Variants in NUP155 observed in about 807,000 individuals in gnomAD.
NUP155 encodes the protein nuclear pore complex protein Nup155.
A neutral mutation model predicts 180.4 loss-of-function variants in NUP155; 71 were observed. The ratio of observed to expected loss-of-function variants is 0.39; its 90% CI spans 0.33 to 0.48. The LOEUF is 0.48. Ranked by LOEUF, NUP155 falls within the 20% of genes least tolerant of loss-of-function variation. NUP155 has a pLI of 0.91. For synonymous variants in NUP155, 582 were observed against 559.5 expected, an observed-to-expected ratio of 1.04 and a Z score of -0.57; for missense variants, 1,553 against 1,648.9, an observed-to-expected ratio of 0.94 and a Z score of 1.01.
chr5:37,313,124 T>C (rs1015290132), intron 22 of NUP155, among the ~76,000 whole-genome samples: 2 of 151,978 alleles, frequency 1.3e-5, no homozygotes, highest in African/African-American at 2.4e-5. Flanking sequence ...CAGTGATAAA[T>C]ATCTTCCTTT....
intron 4 of NUP155, among the ~76,000 whole-genome samples, chr5:37,356,662 T>C (rs1485300233): frequency 6.6e-6 from 1 of 151,364 alleles, no homozygotes; most frequent in Non-Finnish European, 1.5e-5. Flanking sequence ...AAAGGTACAT[T>C]TAAAGGATAT....
At chr5:37,334,720 T>C (rs1745205409) in intron 12 of NUP155, among the ~76,000 whole-genome samples, 1 of 152,172 alleles carries the variant, frequency 6.6e-6, no homozygotes, top group South Asian at 2.1e-4. Flanking sequence ...CATAAATCTT[T>C]TTGTACTAGA....
intron 4 of NUP155, 61 bp downstream of exon 4, chr5:37,358,020 C>G: frequency 8.7e-7 from 1 of 1,149,964 alleles, no homozygotes; most frequent in South Asian, 1.2e-5. Flanking sequence ...TTGTTCAGGT[C>G]TATACCATTT....
intron 14 of NUP155, among the ~76,000 whole-genome samples, chr5:37,330,643 T>C (rs1744895833): frequency 6.6e-6 from 1 of 152,154 alleles, no homozygotes; most frequent in South Asian, 2.1e-4. Flanking sequence ...ACTCCCAATT[T>C]TAACCGTATC....
intron 14 of NUP155, 102 bp downstream of exon 14, chr5:37,331,583 T>C: frequency 1.7e-6 from 1 of 582,660 alleles, no homozygotes. Flanking sequence ...TCAAAATATA[T>C]ATATATATTT....
intron 26 of NUP155, 65 bp downstream of exon 26, chr5:37,304,992 T>TA: frequency 6.4e-7 from 1 of 1,572,262 alleles, no homozygotes; most frequent in Non-Finnish European, 8.7e-7. Context: ...ATGACTGTGC[T>TA]ACCATTACCA....
intron 10 of NUP155, 129 bp downstream of exon 10, chr5:37,342,420 T>G: frequency 3.1e-6 from 2 of 641,112 alleles, no homozygotes; most frequent in South Asian, 3.8e-5. Context: ...ATCCTTTATT[T>G]TACAAACTAT....
At chr5:37,302,739 G>C in intron 29 of NUP155, 40 bp downstream of exon 29, 1 of 1,607,910 alleles carries the variant, frequency 6.2e-7, no homozygotes, top group Non-Finnish European at 8.5e-7. Context: ...TATGTGGCTA[G>C]TACTCAATGT....
chr5:37,339,095 G>A (rs191856814), intron 11 of NUP155, among the ~76,000 whole-genome samples: 3 of 152,216 alleles, frequency 2.0e-5, no homozygotes, highest in Admixed American at 1.3e-4. Context: ...TGGGCCAGGT[G>A]CTGTGGCTTA....
At chr5:37,306,071 G>T (rs904745836) in intron 25 of NUP155, among the ~76,000 whole-genome samples, 1 of 152,040 alleles carries the variant, frequency 6.6e-6, no homozygotes, top group African/African-American at 2.4e-5. Context: ...CATTAAAAGG[G>T]TAAAGTCATT....
In NUP155 at chr5:37,351,364, A is replaced by G; in HGVS notation, c.557-8T>C. On this transcript the variant is annotated splice_region_variant and splice_polypyrimidine_tract_variant and intron_variant, in intron 5 of 34. Coordinates refer to ENST00000231498, the MANE Select transcript of NUP155 (RefSeq NM_153485.3). ...CATTAAGAACTCCAGAACCTATTTA[A>G]GAAAGAATACATAAATCAGTTTATT... is the stretch of plus-strand genomic sequence containing the variant. The G allele has an allele frequency of 6.2e-7, 1 of 1,601,172 alleles. No individual in the cohort carries two copies. Among genetic ancestry groups the G allele is most frequent in the Non-Finnish European group, 8.6e-7 (1 of 1,168,944 alleles).
intron 1 of NUP155, among the ~76,000 whole-genome samples, chr5:37,367,168 G>A (rs1457155681): frequency 1.3e-5 from 2 of 151,730 alleles, no homozygotes; most frequent in Non-Finnish European, 2.9e-5. Context: ...CCACAGCCTC[G>A]TGAGTAGCTA....
chr5:37,304,818 T>A lies in NUP155; in HGVS notation c.3083A>T (p.Gln1028Leu). Residue 1028 changes from glutamine (Q) to leucine (L), a missense_variant, in exon 27 of 35, where the codon CAG becomes CTG. Transcript: ENST00000231498. Reference protein sequence around the residue: ...HHFEQMLKLSQRSKDELFSIA... With the variant: ...HHFEQMLKLSLRSKDELFSIA... ...ACTAAAGAGCTCATCCTTGGATCGC[T>A]GTGACAATTTAAGCATTTGTTCAAA... 1 of 1,613,982 alleles carries A rather than the reference T, an allele frequency of 6.2e-7. No individual in the cohort carries two copies. Among genetic ancestry groups the A allele is most frequent in the Non-Finnish European group, 8.5e-7 (1 of 1,179,870 alleles).
intron 30 of NUP155, chr5:37,301,168 A>T: frequency 2.7e-6 from 1 of 373,840 alleles, no homozygotes; most frequent in Non-Finnish European, 5.1e-6. Context: ...CATGTTGCCC[A>T]GGCTGGAAAT....
intron 6 of NUP155, 52 bp from the exon 7 acceptor site, chr5:37,350,317 A>AAT (rs1417536717): frequency 3.5e-6 from 4 of 1,127,164 alleles, no homozygotes; most frequent in Non-Finnish European, 5.4e-6. Context: ...ACTCCCTTAC[A>AAT]ATAACTACTG....
chr5:37,323,958 A>G, intron 20 of NUP155, 34 bp downstream of exon 20: 1 of 1,404,152 alleles, frequency 7.1e-7, no homozygotes, highest in East Asian at 2.3e-5. Context: ...AACGAAAAGA[A>G]AAAGATGAAT....
At chr5:37,349,071 TA>T in intron 8 of NUP155, 100 bp downstream of exon 8, 3 of 342,786 alleles carry the variant, frequency 8.8e-6, no homozygotes. Flanking sequence ...TTTTTTTTTT[TA>T]GTTACACAGT....
rs775111788 is a variant in NUP155, at chr5:37,371,001, T to C, written c.-24A>G. 1.2e-6 allele frequency: 2 copies of C among 1,612,118 alleles called. No homozygotes were observed. Among genetic ancestry groups the C allele is most frequent in the South Asian group, 1.1e-5 (1 of 91,056 alleles). ...ATCTCGGAAATCGTAGACACCAGGG[T>C]CCAGAAAAAGTCAAAAACCAAGGAG... On this transcript the variant is annotated 5_prime_UTR_variant, in exon 1 of 35. Transcript: ENST00000231498.
chr5:37,341,337 T>G, intron 10 of NUP155, 95 bp from the exon 11 acceptor site: 1 of 1,022,212 alleles, frequency 9.8e-7, no homozygotes, highest in Non-Finnish European at 1.5e-6. Flanking sequence ...TGCAACACTC[T>G]GCTAAAACCA....
Sources: allele counts gnomAD v4.1 joint callset (sites outside exome capture counted in the v4.1 genomes callset), GRCh38; gene constraint gnomAD v4.1.1; transcripts MANE v1.5; gene names NCBI Gene and HGNC (gene_info 2026-07-23, HGNC 2026-07-21).